Variants in ACTB observed in about 807,000 individuals in gnomAD.
ACTB encodes actin beta.
A neutral mutation model predicts 30.5 loss-of-function variants in ACTB; 2 were observed. That is an observed-to-expected ratio of 0.07 (90% CI 0.03 to 0.21). ACTB has a LOEUF of 0.21. Among genes scored for constraint, ACTB ranks in the 10% least tolerant of loss-of-function variants. The pLI is 1.00. For synonymous variants in ACTB, 335 were observed against 217.6 expected, an observed-to-expected ratio of 1.54 and a Z score of -4.75; for missense variants, 56 against 530.0, an observed-to-expected ratio of 0.11 and a Z score of 8.78.
chr7:5,529,932 C>G (rs1784851772), intron 1 of ACTB: 1 of 374,626 alleles, frequency 2.7e-6, no homozygotes, highest in South Asian at 2.7e-5. Context: ...TCGGCGCGCG[C>G]GCACGCAGCG....
chr7:5,529,505 G>C lies in ACTB; in HGVS notation c.123+30C>G, dbSNP rs779894507. The C allele has an allele frequency of 5.6e-6, 9 of 1,611,800 alleles. No individual in the cohort carries two copies. In the African/African-American group the frequency reaches 1.2e-4, roughly 22 times the overall value. Reference sequence around the variant, plus strand: ...GCGCCCTTGCCTCCCGCCCGCTCCCGGGGCTGCCCCACCCAGCCAGCTCCC... The same window carrying C: ...GCGCCCTTGCCTCCCGCCCGCTCCCCGGGCTGCCCCACCCAGCCAGCTCCC... On this transcript the variant is annotated intron_variant, in intron 2 of 5. Coordinates refer to ENST00000646664, the MANE Select transcript of ACTB (RefSeq NM_001101.5).
rs1784817099 is a variant in ACTB at position 5,528,734 on chromosome 7, T to TA, written c.364-16dup. 1 of 1,612,400 alleles carries TA rather than the reference T, an allele frequency of 6.2e-7. No individual in the cohort carries two copies. The highest frequency in any genetic ancestry group is 1.1e-5 in the South Asian group (1 of 91,070). On this transcript the variant is annotated splice_polypyrimidine_tract_variant and intron_variant, in intron 3 of 5. Coordinates refer to ENST00000646664, the MANE Select transcript of ACTB (RefSeq NM_001101.5). ...TCAAACATGATCTGTAAGGCAGAGA[T>TA]ACACCATGTCACACTGGGGAAGCCA...
At chr7:5,529,034 G>A (rs13447400) in intron 3 of ACTB, 127 bp downstream of exon 3, 14 of 1,612,442 alleles carry the variant, frequency 8.7e-6, no homozygotes, top group East Asian at 2.2e-5. Context: ...GAGTTCCAAA[G>A]GAGACTCAGG....
At chr7:5,528,773 G>C (rs1267177824) in intron 3 of ACTB, 54 bp from the exon 4 acceptor site, 8 of 1,586,718 alleles carry the variant, frequency 5.0e-6, no homozygotes, top group Middle Eastern at 1.7e-4. Context: ...GGGACAGCCA[G>C]GCCAGACGGG....
At chr7:5,529,706 G>C in intron 1 of ACTB, 43 bp from the exon 2 acceptor site, 3 of 1,609,760 alleles carry the variant, frequency 1.9e-6, no homozygotes, top group Non-Finnish European at 2.5e-6. Context: ...GGTCGCCCCC[G>C]CCCTGGCCAC....
intron 3 of ACTB, 182 bp from the exon 4 acceptor site, chr7:5,528,901 C>G: frequency 6.9e-7 from 1 of 1,439,186 alleles, no homozygotes; most frequent in Non-Finnish European, 9.5e-7. Context: ...TTACACCAGC[C>G]TCATGGCCTT....
chr7:5,530,026 G>C lies in ACTB; in HGVS notation c.-6-363C>G, dbSNP rs1784854684. On this transcript the variant is annotated intron_variant, in intron 1 of 5. Transcript: ENST00000646664. The stretch of plus-strand genomic sequence containing the variant: ...CGCGGCGACCCCACCCCTTCCGGCC[G>C]AGCCCGCCTTCGCCCCAGCCCAGGC... The C allele has an allele frequency of 1.9e-5, 3 of 158,640 alleles. No individual in the cohort carries two copies. The Admixed American group carries it at 2.0e-4, about 10-fold the overall frequency. 9.8% of individuals were successfully genotyped at this position (158,640 alleles called of 1,614,324 possible).
rs772626920 is a variant in ACTB at position 5,527,893 on chromosome 7, TGAG to T, written c.985-5_985-3del. 6.2e-6 allele frequency: 10 copies of T among 1,612,990 alleles called. No homozygotes were observed. In the East Asian group the frequency reaches 1.8e-4, roughly 29 times the overall value. ...CTTGCGCTCAGGAGGAGCAATGATC[TGAG>T]GAGGGAAGGGGACAGGCAGTGAGGA... On this transcript the variant is annotated splice_polypyrimidine_tract_variant and splice_region_variant and intron_variant, in intron 5 of 5. Coordinates refer to ENST00000646664, the MANE Select transcript of ACTB (RefSeq NM_001101.5).
Position 5,528,091 on chromosome 7 carries a change from C to A in ACTB, c.897G>T (p.Leu299=), listed in dbSNP as rs1226917953. Residue 299 remains leucine, a synonymous_variant, in exon 5 of 6, where the codon CTG becomes CTT. Coordinates refer to ENST00000646664, the MANE Select transcript of ACTB (RefSeq NM_001101.5). ...IRKDLYANTV[L]SGGTTMYPGI... is the part of the protein sequence containing the mutation. ...CAGGGTACATGGTGGTGCCGCCAGA[C>A]AGCACTGTGTTGGCGTACAGGTCTT... The A allele has an allele frequency of 2.0e-5, 32 of 1,614,138 alleles. No homozygotes were observed. The highest frequency in any genetic ancestry group is 2.6e-5 in the Non-Finnish European group (31 of 1,180,054).
chr7:5,529,405 G>C lies in ACTB; in HGVS notation c.124-5C>G. The C allele has an allele frequency of 6.2e-7, 1 of 1,613,846 alleles. No individual in the cohort carries two copies. The highest frequency in any genetic ancestry group is 1.1e-5 in the South Asian group (1 of 91,088). ...ACCCATGCCCACCATCACGCCCTGG[G>C]AAGGAAAGGACAAGAAGCCCTGAGC... On this transcript the variant is annotated splice_region_variant and splice_polypyrimidine_tract_variant and intron_variant, in intron 2 of 5. Coordinates refer to ENST00000646664, the MANE Select transcript of ACTB (RefSeq NM_001101.5).
chr7:5,527,794 T>A lies in ACTB; in HGVS notation c.1082A>T (p.Glu361Val). 1 of 1,614,052 alleles carries A rather than the reference T, an allele frequency of 6.2e-7. No homozygotes were observed. Among genetic ancestry groups the A allele is most frequent in the Non-Finnish European group, 8.5e-7 (1 of 1,180,004 alleles). The change falls in exon 6 of 6, where the codon GAG becomes GTG. Residue 361 changes from glutamate to valine, a missense_variant. By Grantham distance (121) the Glu-to-Val change is moderately radical. Coordinates refer to ENST00000646664, the MANE Select transcript of ACTB (RefSeq NM_001101.5). ...TFQQMWISKQEYDESGPSIVH... is the reference protein window; with the variant it reads ...TFQQMWISKQVYDESGPSIVH... ...GATGGAGGGGCCGGACTCGTCATAC[T>A]CCTGCTTGCTGATCCACATCTGCTG...
At position 5,529,769 on chromosome 7, in the gene ACTB, T is replaced by C. The variant is rs760098174; in HGVS notation, c.-6-106A>G. 7.5e-5 allele frequency: 117 copies of C among 1,559,954 alleles called. No homozygotes were observed. Among genetic ancestry groups the C allele is most frequent in the South Asian group, 2.3e-4 (20 of 88,228 alleles). ...CAGGGGGCGCCGGCGCGCGCCCAGA[T>C]TGGGGACAAAGGAAGCCGGGCCGGC... On this transcript the variant is annotated intron_variant, in intron 1 of 5. Coordinates refer to ENST00000646664, the MANE Select transcript of ACTB (RefSeq NM_001101.5).
chr7:5,529,368 G>C lies in ACTB; in HGVS notation c.156C>G (p.Ser52=), dbSNP rs142116324. ...GVMVGMGQKD[S]YVGDEAQSKR... is the part of the protein sequence containing the mutation. ...TGCTCTGGGCCTCGTCGCCCACATA[G>C]GAATCCTTCTGACCCATGCCCACCA... Residue 52 remains serine (S), a synonymous_variant, in exon 3 of 6, where the codon TCC becomes TCG. Coordinates refer to ENST00000646664, the MANE Select transcript of ACTB (RefSeq NM_001101.5). 1.4e-5 allele frequency: 22 copies of C among 1,613,942 alleles called. No homozygotes were observed. In the African/African-American group the frequency reaches 2.8e-4, roughly 21 times the overall value.
chr7:5,528,234 G>C (rs749580588), intron 4 of ACTB, 47 bp downstream of exon 4: 3 of 1,613,626 alleles, frequency 1.9e-6, no homozygotes, highest in South Asian at 2.2e-5. Context: ...ACAGCCCCGA[G>C]GGGTAACCCT....
Position 5,529,146 on chromosome 7 carries a change from T to C in ACTB, c.363+15A>G, listed in dbSNP as rs772907450. Reference sequence around the variant, plus strand: ...GGAGGGAGGCGGCCACCAGAAGAGGTAGCGGGCCACTCACCTGGGTCATCT... The same window carrying C: ...GGAGGGAGGCGGCCACCAGAAGAGGCAGCGGGCCACTCACCTGGGTCATCT... On this transcript the variant is annotated intron_variant, in intron 3 of 5. Coordinates refer to ENST00000646664, the MANE Select transcript of ACTB (RefSeq NM_001101.5). 3 of 1,613,198 alleles carry C rather than the reference T, an allele frequency of 1.9e-6. No homozygotes were observed. Among genetic ancestry groups the C allele is most frequent in the Non-Finnish European group, 2.5e-6 (3 of 1,179,766 alleles).
rs751647886 is a variant in ACTB at position 5,527,699 on chromosome 7, A to G, written c.*49T>C. On this transcript the variant is annotated 3_prime_UTR_variant, in exon 6 of 6. Transcript: ENST00000646664. ...CCAATCTCATCTTGTTTTCTGCGCA[A>G]GTTAGGTTTTGTCAAGAAAGGGTGT... The G allele has an allele frequency of 1.2e-6, 2 of 1,611,738 alleles. No homozygotes were observed. Among genetic ancestry groups the G allele is most frequent in the South Asian group, 2.2e-5 (2 of 90,986 alleles).
Position 5,528,669 on chromosome 7 carries a change from A to G in ACTB, c.414T>C (p.Ala138=). ...GGCCAGAGGCGTACAGGGATAGCAC[A>G]GCCTGGATAGCAACGTACATGGCTG... ...NTPAMYVAIQ[A]VLSLYASGRT... is the part of the protein sequence containing the mutation. The change falls in exon 4 of 6, where the codon GCT becomes GCC. Residue 138 remains alanine (A), a synonymous_variant. Transcript: ENST00000646664. 1 of 1,613,988 alleles carries G rather than the reference A, an allele frequency of 6.2e-7. No individual in the cohort carries two copies. The highest frequency in any genetic ancestry group is 8.5e-7 in the Non-Finnish European group (1 of 1,180,024).
In ACTB at chr7:5,527,243, C is replaced by T. The variant is rs13447412; in HGVS notation, c.*505G>A. 257 of 238,334 alleles carry T rather than the reference C, an allele frequency of 1.1e-3. No individual in the cohort carries two copies. The highest frequency in any genetic ancestry group is 5.7e-3 in the African/African-American group (240 of 42,048). 14.8% of individuals were successfully genotyped at this position (238,334 alleles called of 1,614,324 possible). ...ACCCACTCCCAGGGAGACCAAAAGC[C>T]TTCATACATCTCAAGTTGGGGGACA... On this transcript the variant is annotated 3_prime_UTR_variant, in exon 6 of 6. Transcript: ENST00000646664.
intron 1 of ACTB, chr7:5,529,956 G>A: frequency 3.8e-6 from 1 of 262,286 alleles, no homozygotes; most frequent in Non-Finnish European, 7.2e-6. Context: ...ACACCCTCGG[G>A]CGGCCAGCGG....
Sources: allele counts gnomAD v4.1 joint callset, GRCh38; gene constraint gnomAD v4.1.1; transcripts MANE v1.5; gene names NCBI Gene and HGNC (gene_info 2026-07-23, HGNC 2026-07-21).